The following PCED1B variants were observed in gnomAD, a reference collection of about 807,000 sequenced individuals.
The protein encoded by PCED1B is PC-esterase domain containing 1B.
For synonymous variants in PCED1B, 251 were observed against 246.1 expected (o/e 1.02, Z -0.19); for missense variants, 573 against 573.9 (o/e 1.00, Z 0.02).
intron 2 of PCED1B, among the ~76,000 whole-genome samples, chr12:47,133,345 T>C (rs1014082040): frequency 6.6e-6 from 1 of 152,196 alleles, no homozygotes; most frequent in Non-Finnish European, 1.5e-5. Context: ...ATGTGATGGA[T>C]CCTCTGATGT....
chr12:47,177,433 C>T (rs984308294), intron 2 of PCED1B, among the ~76,000 whole-genome samples: 14 of 152,196 alleles, frequency 9.2e-5, no homozygotes, highest in African/African-American at 3.4e-4. Context: ...CCATTCCTCA[C>T]TGTGGTTCCA....
chr12:47,154,507 A>G (rs534906758), intron 2 of PCED1B, among the ~76,000 whole-genome samples: 2 of 152,210 alleles, frequency 1.3e-5, no homozygotes, highest in South Asian at 2.1e-4. Context: ...TAAAAATCTT[A>G]GTTGGTATCA....
At position 47,235,205 on chromosome 12, in the gene PCED1B, C is replaced by T. The variant is rs1943935851; in HGVS notation, c.142C>T (p.Leu48Phe). The change falls in exon 4 of 4, where the codon CTT (leucine) becomes TTT (phenylalanine). Residue 48 changes from leucine to phenylalanine, a missense_variant. Physicochemically the swap from Leu to Phe is conservative, Grantham distance 22. Coordinates refer to ENST00000546455, the MANE Select transcript of PCED1B (RefSeq NM_138371.3). Reference protein sequence around the residue: ...QKDRLLTPGQLRARGELNFEQ... With the variant: ...QKDRLLTPGQFRARGELNFEQ... ...GGACCGCCTGCTCACTCCCGGGCAG[C>T]TTAGAGCAAGGGGGGAGCTGAACTT... is the stretch of plus-strand genomic sequence containing the variant. 1 of 1,605,820 alleles carries T rather than the reference C, an allele frequency of 6.2e-7. No individual in the cohort carries two copies. Among genetic ancestry groups the T allele is most frequent in the Non-Finnish European group, 8.5e-7 (1 of 1,175,658 alleles).
At chr12:47,213,356 G>C (rs1045133531) in intron 2 of PCED1B, among the ~76,000 whole-genome samples, 2 of 91,310 alleles carry the variant, frequency 2.2e-5, no homozygotes, top group African/African-American at 1.6e-4. Flanking sequence ...GTTTAAGTCA[G>C]ACAACCAAAG....
chr12:47,213,116 A>G (rs1050478778), intron 2 of PCED1B, among the ~76,000 whole-genome samples: 9 of 152,234 alleles, frequency 5.9e-5, no homozygotes, highest in African/African-American at 9.6e-5. Flanking sequence ...CCAAATCCCA[A>G]TAAGTATTGC....
At chr12:47,154,095 C>CT (rs1480396545) in intron 2 of PCED1B, among the ~76,000 whole-genome samples, 2 of 152,226 alleles carry the variant, frequency 1.3e-5, no homozygotes, top group Admixed American at 6.5e-5. Context: ...AAGCAAGGCG[C>CT]TGACTGCCCT....
intron 2 of PCED1B, among the ~76,000 whole-genome samples, chr12:47,161,699 G>A (rs979014628): frequency 1.3e-5 from 2 of 152,202 alleles, no homozygotes; most frequent in Non-Finnish European, 1.5e-5. Context: ...GTGGAAGACA[G>A]TGTGGCGATT....
intron 2 of PCED1B, among the ~76,000 whole-genome samples, chr12:47,205,725 AGAG>A (rs1039846498): frequency 5.3e-5 from 8 of 151,528 alleles, no homozygotes; most frequent in Non-Finnish European, 1.2e-4. Flanking sequence ...AAGAGGGAGA[AGAG>A]GAGGGAGGAA....
At chr12:47,141,567 G>T (rs950178913) in intron 2 of PCED1B, among the ~76,000 whole-genome samples, 1 of 151,998 alleles carries the variant, frequency 6.6e-6, no homozygotes, top group Admixed American at 6.5e-5. Context: ...TTGGGACCCA[G>T]CTCCAAGCTC....
intron 1 of PCED1B, among the ~76,000 whole-genome samples, chr12:47,087,133 C>T (rs1938026391): frequency 6.6e-6 from 1 of 152,114 alleles, no homozygotes; most frequent in Non-Finnish European, 1.5e-5. Context: ...GAACTCTGAC[C>T]TTTCAGTTTG....
rs140080133 is a variant in PCED1B, at chr12:47,191,207, G to A, written c.-525-25015G>A. 3.7e-3 allele frequency among the ~76,000 whole-genome samples: 564 copies of A among 152,286 alleles called. 1 individual carries two copies. Among genetic ancestry groups the A allele is most frequent in the African/African-American group, 0.013 (536 of 41,568 alleles). ...CCCAACAGACACACAGGGCTACTATGAGTATGCCCATTTACAAATGAGGTT... is the reference window on the plus strand; with the variant it reads ...CCCAACAGACACACAGGGCTACTATAAGTATGCCCATTTACAAATGAGGTT... On this transcript the variant is annotated intron_variant, in intron 2 of 3. Coordinates refer to ENST00000546455, the MANE Select transcript of PCED1B (RefSeq NM_138371.3).
Position 47,235,635 on chromosome 12 carries a change from A to G in PCED1B, c.572A>G (p.Asn191Ser). Residue 191 changes from asparagine to serine, a missense_variant, in exon 4 of 4, where the codon AAC becomes AGC. By Grantham distance (46) the Asn-to-Ser change is conservative (BLOSUM62 1). Coordinates refer to ENST00000546455, the MANE Select transcript of PCED1B (RefSeq NM_138371.3). ...LRRQKATFLKNEVVKANFHSA... is the reference protein window; with the variant it reads ...LRRQKATFLKSEVVKANFHSA... ...CGGCAGAAGGCCACCTTCCTGAAAA[A>G]CGAAGTGGTCAAAGCCAACTTCCAC... 3 of 1,610,346 alleles carry G rather than the reference A, an allele frequency of 1.9e-6. No homozygotes were observed. Among genetic ancestry groups the G allele is most frequent in the Non-Finnish European group, 2.5e-6 (3 of 1,178,446 alleles).
intron 1 of PCED1B, among the ~76,000 whole-genome samples, chr12:47,096,158 A>G (rs1938477749): frequency 1.3e-5 from 2 of 152,178 alleles, no homozygotes; most frequent in South Asian, 4.1e-4. Flanking sequence ...TCAGTGTTCC[A>G]GCCCCATGGA....
rs530096717 is a variant in PCED1B, at chr12:47,114,764, A to G, written c.-526+10569A>G. Among the ~76,000 whole-genome samples, 88 of 152,330 alleles carry G rather than the reference A, an allele frequency of 5.8e-4. 1 individual carries two copies. In the South Asian group the frequency reaches 0.018, roughly 31 times the overall value. ...CCAACAACGTACAGGCCTCAGAGTA[A>G]GCCTTGAAGAGTTAGCTAATGGCAG... On this transcript the variant is annotated intron_variant, in intron 2 of 3. Transcript: ENST00000546455.
At chr12:47,175,271 A>G (rs766718512) in intron 2 of PCED1B, among the ~76,000 whole-genome samples, 40 of 152,186 alleles carry the variant, frequency 2.6e-4, no homozygotes, top group Non-Finnish European at 5.1e-4. Context: ...AAGTGCTCAT[A>G]ATATCTGGAC....
chr12:47,200,192 C>T (rs1012684702), intron 2 of PCED1B, among the ~76,000 whole-genome samples: 1 of 138,608 alleles, frequency 7.2e-6, no homozygotes, highest in Non-Finnish European at 1.6e-5. Flanking sequence ...CAGATCTTGC[C>T]TCAAAAAAAA....
intron 2 of PCED1B, among the ~76,000 whole-genome samples, chr12:47,110,607 T>G (rs1040550975): frequency 1.3e-5 from 2 of 152,168 alleles, no homozygotes; most frequent in African/African-American, 4.8e-5. Flanking sequence ...TTTAATTGCA[T>G]GGCAGAATCT....
Position 47,214,035 on chromosome 12 carries a change from T to C in PCED1B, c.-525-2187T>C, listed in dbSNP as rs373076011. Among the ~76,000 whole-genome samples the C allele has an allele frequency of 4.4e-3, 669 of 152,338 alleles. 3 individuals are homozygous for C. Among genetic ancestry groups the C allele is most frequent in the African/African-American group, 0.015 (643 of 41,582 alleles). On this transcript the variant is annotated intron_variant, in intron 2 of 3. Transcript: ENST00000546455. ...AAAGATTTGCAATTCATTTATAGAA[T>C]TGCTAGAACTAAATAATGGCAGATT...
chr12:47,092,612 G>T (rs1456822298), intron 1 of PCED1B, among the ~76,000 whole-genome samples: 6 of 151,978 alleles, frequency 3.9e-5, no homozygotes, highest in Non-Finnish European at 8.8e-5. Context: ...TTAGGGGGAA[G>T]TTTTCAACAT....
Sources: allele counts gnomAD v4.1 joint callset (sites outside exome capture counted in the v4.1 genomes callset), GRCh38; gene constraint gnomAD v4.1.1; transcripts MANE v1.5; gene names NCBI Gene and HGNC (gene_info 2026-07-23, HGNC 2026-07-21).